Variants in ACACA observed in about 807,000 individuals in gnomAD.
ACACA encodes the protein acetyl-CoA carboxylase alpha.
In ACACA, 103 loss-of-function variants were observed where a neutral mutation model predicts 296.1. That is an observed-to-expected ratio of 0.35 (90% CI 0.30 to 0.41). The LOEUF is 0.41. Among genes scored for constraint, ACACA ranks in the 10% least tolerant of loss-of-function variants. ACACA has a pLI of 1.00. For missense variants in ACACA, 1,554 were observed against 2,989.7 expected (o/e 0.52, Z 11.20); for synonymous variants, 953 against 1,038.6 (o/e 0.92, Z 1.58).
At chr17:37,223,342 TGAGTA>T (rs2079383382) in intron 28 of ACACA, among the ~76,000 whole-genome samples, 165 bp downstream of exon 28, 1 of 152,190 alleles carries the variant, frequency 6.6e-6, no homozygotes, top group Non-Finnish European at 1.5e-5. Context: ...ATGAAACACT[TGAGTA>T]AAGTATCTGA....
chr17:37,241,489 G>A (rs2080401476), intron 23 of ACACA, among the ~76,000 whole-genome samples: 1 of 152,092 alleles, frequency 6.6e-6, no homozygotes, highest in South Asian at 2.1e-4. Context: ...TGGGTCATTT[G>A]AGCCCAAGAG....
intron 19 of ACACA, among the ~76,000 whole-genome samples, chr17:37,246,417 CT>C (rs1311546935): frequency 2.6e-5 from 4 of 150,998 alleles, no homozygotes. Context: ...AATCTGTTAC[CT>C]TTTTTTTTAA....
At chr17:37,185,946 C>T (rs2077514971) in intron 39 of ACACA, among the ~76,000 whole-genome samples, 1 of 152,172 alleles carries the variant, frequency 6.6e-6, no homozygotes, top group Non-Finnish European at 1.5e-5. Context: ...TCTCTTCTCC[C>T]CATTATGACT....
At chr17:37,143,689 A>ATCATCATCTTCTTCATCTTCCTCCTCC (rs2075696241) in intron 45 of ACACA, 1 of 896,458 alleles carries the variant, frequency 1.1e-6, no homozygotes, top group African/African-American at 1.7e-5. Context: ...CTTATTCATC[A>ATCATCATCTTCTTCATCTTCCTCCTCC]TCATCATCTT....
intron 39 of ACACA, among the ~76,000 whole-genome samples, 189 bp downstream of exon 39, chr17:37,188,088 T>C (rs1351581031): frequency 1.3e-5 from 2 of 152,214 alleles, no homozygotes; most frequent in Admixed American, 1.3e-4. Flanking sequence ...ACATCCATGA[T>C]AGAGAACATA....
At chr17:37,173,991 TATATATATATATATA>T (rs2076985332) in intron 41 of ACACA, among the ~76,000 whole-genome samples, 1 of 8,494 alleles carries the variant, frequency 1.2e-4, no homozygotes, top group African/African-American at 8.2e-4. Context: ...TTTATATATA[TATATATATATATATA>T]TATATATATA....
chr17:37,090,551 C>A (rs1040314354), intron 54 of ACACA, among the ~76,000 whole-genome samples: 4 of 152,078 alleles, frequency 2.6e-5, no homozygotes, highest in Non-Finnish European at 5.9e-5. Flanking sequence ...CCTGAGTGAC[C>A]CTCTCCTCTC....
At chr17:37,096,518 C>T (rs985130143) in intron 54 of ACACA, among the ~76,000 whole-genome samples, 2 of 152,222 alleles carry the variant, frequency 1.3e-5, no homozygotes, top group Non-Finnish European at 2.9e-5. Flanking sequence ...TCTCCTGAGA[C>T]ATCACTTACT....
At position 37,337,961 on chromosome 17, in the gene ACACA, G is replaced by A. The variant is rs1192316818; in HGVS notation, c.85+1843C>T. 2.0e-5 allele frequency among the ~76,000 whole-genome samples: 3 copies of A among 151,950 alleles called. No individual in the cohort carries two copies. The East Asian group carries it at 5.8e-4, about 30-fold the overall frequency. On this transcript the variant is annotated intron_variant, in intron 2 of 55. Transcript: ENST00000616317. Reference sequence around the variant, plus strand: ...ATATACAAAAAATTAGCCGGGCGTAGTGGCGGGCACCTGTAGTCCCAGCTA... The same window carrying A: ...ATATACAAAAAATTAGCCGGGCGTAATGGCGGGCACCTGTAGTCCCAGCTA...
At chr17:37,382,671 C>T (rs1034959578) in intron 1 of ACACA, among the ~76,000 whole-genome samples, 1 of 152,072 alleles carries the variant, frequency 6.6e-6, no homozygotes, top group African/African-American at 2.4e-5. Context: ...ACCATCCTGG[C>T]CAACATGGTA....
chr17:37,162,189 G>A (rs2076487842), intron 41 of ACACA, 139 bp from the exon 42 acceptor site: 2 of 884,816 alleles, frequency 2.3e-6, no homozygotes, highest in Admixed American at 2.1e-5. Context: ...AACTCCCTGT[G>A]GGAAACTACA....
intron 42 of ACACA, among the ~76,000 whole-genome samples, chr17:37,158,829 T>C (rs1158554505): frequency 6.6e-6 from 1 of 152,060 alleles, no homozygotes; most frequent in Admixed American, 6.5e-5. Flanking sequence ...CAGAACTTCT[T>C]GGTCCTGCTG....
At chr17:37,328,148 G>A (rs1399084162) in intron 3 of ACACA, among the ~76,000 whole-genome samples, 6 of 152,166 alleles carry the variant, frequency 3.9e-5, no homozygotes, top group African/African-American at 1.2e-4. Flanking sequence ...CTGTATGGAC[G>A]GGAAAGTAGA....
intron 3 of ACACA, among the ~76,000 whole-genome samples, chr17:37,310,041 C>CA (rs1292768010): frequency 6.6e-6 from 1 of 151,774 alleles, no homozygotes; most frequent in Non-Finnish European, 1.5e-5. Context: ...TGTTTCAAAA[C>CA]AAAAAAACAG....
At chr17:37,179,137 T>C in intron 41 of ACACA, 123 bp downstream of exon 41, 2 of 1,216,764 alleles carry the variant, frequency 1.6e-6, no homozygotes, top group Non-Finnish European at 2.4e-6. Context: ...CAGTCAATGC[T>C]CTCTCTAAAG....
chr17:37,216,949 C>T (rs1311298862), intron 29 of ACACA, among the ~76,000 whole-genome samples: 1 of 151,950 alleles, frequency 6.6e-6, no homozygotes, highest in East Asian at 1.9e-4. Context: ...AACTGCGTGA[C>T]TGGGAATTAT....
rs997978984 is a variant in ACACA, at chr17:37,098,065, G to A, written c.6566-81C>T. ...ACAAAAGCAGCCACAATCACGGGAA[G>A]CTCAACATCAGCCTGCCCCCTCTTC... On this transcript the variant is annotated intron_variant, in intron 52 of 55. Transcript: ENST00000616317. The A allele has an allele frequency of 7.0e-5, 109 of 1,566,700 alleles. No individual in the cohort carries two copies. In the Middle Eastern group the frequency reaches 8.6e-4, roughly 12 times the overall value.
At chr17:37,149,739 G>A in intron 45 of ACACA, 125 bp downstream of exon 45, 1 of 800,112 alleles carries the variant, frequency 1.2e-6, no homozygotes, top group Non-Finnish European at 2.2e-6. Flanking sequence ...GGAGGGAGAG[G>A]GGAAGAGATA....
chr17:37,260,412 T>C (rs1231088234), intron 11 of ACACA, among the ~76,000 whole-genome samples: 2 of 149,538 alleles, frequency 1.3e-5, no homozygotes, highest in African/African-American at 4.9e-5. Flanking sequence ...CAAGTGATTC[T>C]CCTACCTCAG....
Sources: gnomAD v4.1 joint callset for allele counts (sites outside exome capture counted in the v4.1 genomes callset) on GRCh38, gnomAD v4.1.1 for gene constraint, MANE v1.5 for transcripts, NCBI Gene and HGNC (gene_info 2026-07-23, HGNC 2026-07-21) for gene names.